ADCY4: variants seen among roughly 807,000 people sequenced by gnomAD.
ADCY4 encodes the protein adenylate cyclase 4.
A neutral mutation model predicts 125.5 loss-of-function variants in ADCY4; 111 were observed. The ratio of observed to expected loss-of-function variants is 0.88; its 90% CI spans 0.76 to 1.04. ADCY4 has a LOEUF of 1.04. Ranked by LOEUF, ADCY4 falls within the 50% of genes least tolerant of loss-of-function variation. The pLI is 0.00. For synonymous variants in ADCY4, 576 were observed against 586.9 expected, an observed-to-expected ratio of 0.98 and a Z score of 0.27; for missense variants, 1,256 against 1,382.9, an observed-to-expected ratio of 0.91 and a Z score of 1.46.
chr14:24,330,528 C>T (rs983387655), intron 6 of ADCY4: 1 of 533,176 alleles, frequency 1.9e-6, no homozygotes. Context: ...GCTCTTTCCA[C>T]TTTTGGCATG....
At chr14:24,323,211 C>A in intron 17 of ADCY4, 123 bp from the exon 18 acceptor site, 1 of 1,373,452 alleles carries the variant, frequency 7.3e-7, no homozygotes, top group Non-Finnish European at 1.0e-6. Context: ...GCATCATACA[C>A]ACTGATACAC....
chr14:24,329,302 G>A, intron 9 of ADCY4, 68 bp from the exon 10 acceptor site: 1 of 1,584,942 alleles, frequency 6.3e-7, no homozygotes, highest in African/African-American at 1.3e-5. Context: ...CCCCCCACTA[G>A]GACCCAGGAA....
chr14:24,332,332 T>C, intron 3 of ADCY4, 190 bp downstream of exon 3: 1 of 627,722 alleles, frequency 1.6e-6, no homozygotes. Flanking sequence ...CCGTGTGGCC[T>C]GGATCCCTCT....
In ADCY4 at chr14:24,334,904, T is replaced by G; in HGVS notation, c.-252A>C. 1 of 425,582 alleles carries G rather than the reference T, an allele frequency of 2.3e-6. No individual in the cohort carries two copies. The highest frequency in any genetic ancestry group is 4.2e-6 in the Non-Finnish European group (1 of 240,110). The allele number at this position is 425,582 out of a possible 1,614,324, so 26.4% of individuals were successfully genotyped here. A position where few individuals can be genotyped will look rare whatever the true frequency, so the allele number is the denominator to read the frequency against. On this transcript the variant is annotated 5_prime_UTR_variant, in exon 1 of 25. It removes the in-frame stop codon of an upstream open reading frame in the 5' UTR. Coordinates refer to ENST00000418030, the MANE Select transcript of ADCY4 (RefSeq NM_001198568.2). ...TCAAACCCGGATTGTAGAGGTGCCC[T>G]AGAAAAGCCTCATCGCCAGGAGGGC... is the stretch of plus-strand genomic sequence containing the variant.
Position 24,324,397 on chromosome 14 carries a change from G to C in ADCY4, c.1824-6C>G, listed in dbSNP as rs375751568. 2.5e-6 allele frequency: 4 copies of C among 1,611,656 alleles called. No homozygotes were observed. Among genetic ancestry groups the C allele is most frequent in the African/African-American group, 1.3e-5 (1 of 74,916 alleles). On this transcript the variant is annotated splice_region_variant and splice_polypyrimidine_tract_variant and intron_variant, in intron 14 of 24. Transcript: ENST00000418030. The stretch of plus-strand genomic sequence containing the variant: ...TGATGGCCAGAGCTGGGGGCCTGAA[G>C]GGAGACAAAAGCGAGGCCTTGAAGT...
At chr14:24,318,590 G>T in intron 24 of ADCY4, 22 bp from the exon 25 acceptor site, 2 of 1,614,036 alleles carry the variant, frequency 1.2e-6, no homozygotes, top group Non-Finnish European at 1.7e-6. Context: ...GGGGGGCGAG[G>T]GAATATGGAG....
In ADCY4 at chr14:24,332,345, T is replaced by C. The variant is rs1417391709; in HGVS notation, c.519+177A>G. 1.0e-5 allele frequency: 7 copies of C among 688,312 alleles called. No individual in the cohort carries two copies. The Admixed American group carries it at 1.3e-4, about 13-fold the overall frequency. The allele number at this position is 688,312 out of a possible 1,614,324, so 42.6% of individuals were successfully genotyped here. ...TTCCGTGTGGCCTGGATCCCTCTTC[T>C]GGTAACAGCAGGCATTGCATCACAC... is the stretch of plus-strand genomic sequence containing the variant. On this transcript the variant is annotated intron_variant, in intron 3 of 24. Coordinates refer to ENST00000418030, the MANE Select transcript of ADCY4 (RefSeq NM_001198568.2).
Position 24,322,581 on chromosome 14 carries a change from C to A in ADCY4, c.2427+43G>T, listed in dbSNP as rs762261607. On this transcript the variant is annotated intron_variant, in intron 19 of 24. Transcript: ENST00000418030. ...AAGATCAAGTCACAGATATGGGGGC[C>A]ACTCATAGGTGGGCCCTGGTGGGGC... is the stretch of plus-strand genomic sequence containing the variant. 26 of 1,592,442 alleles carry A rather than the reference C, an allele frequency of 1.6e-5. No homozygotes were observed. In the South Asian group the frequency reaches 2.8e-4, roughly 17 times the overall value.
rs375917697 is a variant in ADCY4, at chr14:24,322,925, T to C, written c.2321A>G (p.Tyr774Cys). 4 of 1,606,130 alleles carry C rather than the reference T, an allele frequency of 2.5e-6. No individual in the cohort carries two copies. Among genetic ancestry groups the C allele is most frequent in the East Asian group, 2.2e-5 (1 of 44,630 alleles). Reference sequence around the variant, plus strand: ...ACACCTGGAGTCCAAGGGGCCCAGATAGAGGCGGACGATGAGGCATTCCGA... The same window carrying C: ...ACACCTGGAGTCCAAGGGGCCCAGACAGAGGCGGACGATGAGGCATTCCGA... ...WLSECLIVRL[Y>C]LGPLDSRPGV... Residue 774 changes from tyrosine to cysteine, a missense_variant, in exon 18 of 25, where the codon TAT (tyrosine) becomes TGT (cysteine). Coordinates refer to ENST00000418030, the MANE Select transcript of ADCY4 (RefSeq NM_001198568.2).
chr14:24,324,436 C>T (rs1231890936), intron 14 of ADCY4, 45 bp from the exon 15 acceptor site: 20 of 1,562,510 alleles, frequency 1.3e-5, no homozygotes, highest in Non-Finnish European at 1.6e-5. Context: ...AGAACAGGCT[C>T]CCTGTGTGCT....
chr14:24,324,122 C>T lies in ADCY4; in HGVS notation c.1986G>A (p.Leu662=). 2.5e-6 allele frequency: 4 copies of T among 1,614,264 alleles called. No homozygotes were observed. The highest frequency in any genetic ancestry group is 3.4e-6 in the Non-Finnish European group (4 of 1,180,046). The change falls in exon 16 of 25, where the codon CTG becomes CTA. Residue 662 remains leucine, a synonymous_variant. Transcript: ENST00000418030. ...LSGLVATRPG[L]RIALGTATIL... ...TGGTGGCGGTGCCCAAGGCTATTCTCAGTCCTGGTCGTGTGGCCACCAGGC... is the reference window on the plus strand; with the variant it reads ...TGGTGGCGGTGCCCAAGGCTATTCTTAGTCCTGGTCGTGTGGCCACCAGGC...
At chr14:24,326,398 G>A in intron 10 of ADCY4, 56 bp from the exon 11 acceptor site, 1 of 1,600,904 alleles carries the variant, frequency 6.2e-7, no homozygotes, top group Non-Finnish European at 8.6e-7. Flanking sequence ...CTGCAGTGAG[G>A]TAGACCATGA....
In ADCY4 at chr14:24,322,625, T is replaced by C. The variant is rs1423628669; in HGVS notation, c.2426A>G (p.Gln809Arg). The C allele has an allele frequency of 1.1e-5, 17 of 1,613,998 alleles. No homozygotes were observed. The highest frequency in any genetic ancestry group is 1.4e-5 in the Non-Finnish European group (17 of 1,179,966). Reference sequence around the variant, plus strand: ...GTGGGGCTGAGCTGGGTGACTTACCTGGCGAGCCAGGACAAGGAGGGTGAA... The same window carrying C: ...GTGGGGCTGAGCTGGGTGACTTACCCGGCGAGCCAGGACAAGGAGGGTGAA... ...FFFTLLVLAR[Q>R]NEYYCRLDFL... The change falls in exon 19 of 25, where the codon CAG becomes CGG. Residue 809 changes from glutamine to arginine, a missense_variant and splice_region_variant. Physicochemically the swap from Gln to Arg is conservative, Grantham distance 43. Coordinates refer to ENST00000418030, the MANE Select transcript of ADCY4 (RefSeq NM_001198568.2).
In ADCY4 at chr14:24,331,925, C is replaced by T; in HGVS notation, c.532G>A (p.Ala178Thr). 1.9e-6 allele frequency: 3 copies of T among 1,560,482 alleles called. No individual in the cohort carries two copies. The highest frequency in any genetic ancestry group is 2.6e-6 in the Non-Finnish European group (3 of 1,144,678). ...ACGTTCCCGCACAGGAACAGCACTG[C>T]GTTTGCTGCCAACTGTGGGTGAAGG... ...PALLPQLAAN[A>T]VLFLCGNVAG... The change falls in exon 4 of 25, where the codon GCA (alanine) becomes ACA (threonine). Residue 178 changes from alanine to threonine, a missense_variant. Transcript: ENST00000418030.
At chr14:24,333,456 C>T (rs2042082457) in intron 1 of ADCY4, among the ~76,000 whole-genome samples, 3 of 152,078 alleles carry the variant, frequency 2.0e-5, no homozygotes, top group Admixed American at 1.3e-4. Context: ...TCTCGAGCTC[C>T]TGGGCTCAAA....
At chr14:24,321,761 A>G in intron 20 of ADCY4, 1 of 1,076,460 alleles carries the variant, frequency 9.3e-7, no homozygotes, top group South Asian at 3.9e-5. Context: ...GACTAGTATC[A>G]GTCTGCGGCC....
Position 24,332,874 on chromosome 14 carries a change from G to T in ADCY4, c.274C>A (p.Leu92Met). 6.2e-7 allele frequency: 1 copy of T among 1,606,060 alleles called. No homozygotes were observed. Among genetic ancestry groups the T allele is most frequent in the Non-Finnish European group, 8.5e-7 (1 of 1,176,400 alleles). The change falls in exon 2 of 25, where the codon CTG (leucine) becomes ATG (methionine). Residue 92 changes from leucine to methionine, a missense_variant. Coordinates refer to ENST00000418030, the MANE Select transcript of ADCY4 (RefSeq NM_001198568.2). ...EQRLQRWTRPLSGLVWVALLA... is the reference protein window; with the variant it reads ...EQRLQRWTRPMSGLVWVALLA... ...AGCGCGACCCATACCAAGCCGGACA[G>T]GGGACGCGTCCAGCGCTGCAGTCGC...
chr14:24,328,922 G>A (rs183644221), intron 10 of ADCY4, 139 bp downstream of exon 10: 186 of 1,123,386 alleles, frequency 1.7e-4, no homozygotes, highest in Non-Finnish European at 2.2e-4. Flanking sequence ...GGGGTGACAA[G>A]ACAGTTCGGG....
chr14:24,323,025 C>T lies in ADCY4; in HGVS notation c.2221G>A (p.Glu741Lys), dbSNP rs1283804610. 1.2e-6 allele frequency: 2 copies of T among 1,614,044 alleles called. No homozygotes were observed. The highest frequency in any genetic ancestry group is 3.3e-5 in the Admixed American group (2 of 60,018). The part of the protein sequence containing the change: ...SCSLFLHMSF[E>K]LKLLLLLLWL... ...AGCAGGAGCAGCAGCAGCTTCAGCT[C>T]GAAGCTCATGTGCAGAAAGAGGGAG... Residue 741 changes from glutamate (E) to lysine (K), a missense_variant, in exon 18 of 25, where the codon GAG becomes AAG. By Grantham distance (56) the Glu-to-Lys change is moderately conservative. Transcript: ENST00000418030.
Sources: gnomAD v4.1 joint callset for allele counts (sites outside exome capture counted in the v4.1 genomes callset) on GRCh38, gnomAD v4.1.1 for gene constraint, MANE v1.5 for transcripts, NCBI Gene and HGNC (gene_info 2026-07-23, HGNC 2026-07-21) for gene names.